Variants in ADK observed in about 807,000 individuals in gnomAD.
ADK encodes the protein N6,N6-dimethyladenosine kinase.
A neutral mutation model predicts 44.7 loss-of-function variants in ADK; 24 were observed. That is an observed-to-expected ratio of 0.54 (90% confidence interval 0.39 to 0.76). The LOEUF is 0.76. Among genes scored for constraint, ADK ranks in the 30% least tolerant of loss-of-function variants. The pLI is 0.00. For synonymous variants in ADK, 128 were observed against 142.6 expected, an observed-to-expected ratio of 0.90 and a Z score of 0.73; for missense variants, 321 against 425.1, an observed-to-expected ratio of 0.76 and a Z score of 2.15.
At chr10:74,202,026 A>G (rs952788134) in intron 2 of ADK, among the ~76,000 whole-genome samples, 7 of 152,112 alleles carry the variant, frequency 4.6e-5, no homozygotes, top group Non-Finnish European at 8.8e-5. Flanking sequence ...CATCACCACT[A>G]TCTAATTCAG....
chr10:74,507,444 C>A (rs1271565963), intron 6 of ADK, among the ~76,000 whole-genome samples: 1 of 151,992 alleles, frequency 6.6e-6, no homozygotes, highest in Non-Finnish European at 1.5e-5. Flanking sequence ...AAAACCCCAT[C>A]TCTACAAAAC....
chr10:74,424,240 C>T (rs563422633), intron 6 of ADK, among the ~76,000 whole-genome samples: 3 of 152,162 alleles, frequency 2.0e-5, no homozygotes, highest in Non-Finnish European at 4.4e-5. Context: ...AAACACTTGT[C>T]TAAAGAAATA....
intron 6 of ADK, among the ~76,000 whole-genome samples, chr10:74,438,329 A>G (rs916998262): frequency 1.3e-5 from 2 of 151,226 alleles, no homozygotes; most frequent in African/African-American, 4.9e-5. Flanking sequence ...AGTTCAAGCA[A>G]TTCTCCTGCC....
At chr10:74,241,721 G>A (rs1845216805) in intron 3 of ADK, among the ~76,000 whole-genome samples, 1 of 152,136 alleles carries the variant, frequency 6.6e-6, no homozygotes, top group African/African-American at 2.4e-5. Context: ...TTGATTGATT[G>A]AGACAAGGCC....
At chr10:74,483,518 A>C (rs11813953) in intron 6 of ADK, among the ~76,000 whole-genome samples, 5,582 of 152,274 alleles carry the variant, frequency 0.037, 313 homozygotes, top group African/African-American at 0.12. Context: ...GCCAACTTAA[A>C]TTCCTGCCCA....
Position 74,292,129 on chromosome 10 carries a change from A to G in ADK, c.195-22538A>G, listed in dbSNP as rs568902790. ...TACTTACCTACCTGCCTACCTACCT[A>G]CTTACCTCTGTTGTGAAACTTTTGG... On this transcript the variant is annotated intron_variant, in intron 3 of 10. Transcript: ENST00000539909. Among the ~76,000 whole-genome samples, 6 of 152,148 alleles carry G rather than the reference A, an allele frequency of 3.9e-5. No individual in the cohort carries two copies. The South Asian group carries it at 1.2e-3, about 32-fold the overall frequency.
At chr10:74,498,132 A>T (rs1289669282) in intron 6 of ADK, among the ~76,000 whole-genome samples, 1 of 151,958 alleles carries the variant, frequency 6.6e-6, no homozygotes. Flanking sequence ...CTCATGATCC[A>T]CTTGCCTCAG....
At chr10:74,300,254 CCTT>C (rs1483162714) in intron 3 of ADK, among the ~76,000 whole-genome samples, 28 of 131,764 alleles carry the variant, frequency 2.1e-4, no homozygotes, top group African/African-American at 6.6e-4. Context: ...CTCTCTCTCT[CCTT>C]GTTTCCTTCC....
At chr10:74,247,884 A>G (rs941145492) in intron 3 of ADK, among the ~76,000 whole-genome samples, 1 of 152,096 alleles carries the variant, frequency 6.6e-6, no homozygotes, top group Non-Finnish European at 1.5e-5. Context: ...CTGGGCATTT[A>G]TGGCAGCCCA....
At chr10:74,170,705 CA>C (rs1842138420) in intron 1 of ADK, among the ~76,000 whole-genome samples, 1 of 148,848 alleles carries the variant, frequency 6.7e-6, no homozygotes, top group Non-Finnish European at 1.5e-5. Context: ...GAGGCTGAGG[CA>C]GGAGAATGGC....
intron 4 of ADK, among the ~76,000 whole-genome samples, chr10:74,367,718 G>A (rs1842538808): frequency 6.6e-6 from 1 of 152,150 alleles, no homozygotes; most frequent in African/African-American, 2.4e-5. Context: ...CTGTCATACT[G>A]TAAACAAGTG....
chr10:74,669,528 C>T (rs1419254370), intron 9 of ADK, among the ~76,000 whole-genome samples: 2 of 152,198 alleles, frequency 1.3e-5, no homozygotes, highest in Admixed American at 6.5e-5. Context: ...TGCACTGTCC[C>T]TTTTGTTCTG....
At chr10:74,223,188 C>T (rs1844392131) in intron 2 of ADK, among the ~76,000 whole-genome samples, 1 of 152,098 alleles carries the variant, frequency 6.6e-6, no homozygotes, top group Non-Finnish European at 1.5e-5. Context: ...AGTGACTCTA[C>T]AGATTCCTGA....
intron 8 of ADK, among the ~76,000 whole-genome samples, chr10:74,594,974 G>A (rs535533443): frequency 5.3e-5 from 8 of 152,072 alleles, no homozygotes; most frequent in African/African-American, 1.4e-4. Flanking sequence ...TCAGGAGTTC[G>A]AGACCAGCCT....
At chr10:74,224,084 TAAAC>T (rs1844430543) in intron 2 of ADK, among the ~76,000 whole-genome samples, 3 of 151,814 alleles carry the variant, frequency 2.0e-5, no homozygotes, top group Non-Finnish European at 4.4e-5. Context: ...TCTCAACAAA[TAAAC>T]AAACAAACAA....
intron 7 of ADK, among the ~76,000 whole-genome samples, chr10:74,533,269 G>GT (rs1219626510): frequency 6.6e-6 from 1 of 151,968 alleles, no homozygotes; most frequent in Admixed American, 6.6e-5. Context: ...AATTTCAGAA[G>GT]TTTTTTTTAA....
chr10:74,546,649 G>C (rs1352441891), intron 7 of ADK, among the ~76,000 whole-genome samples: 1 of 151,990 alleles, frequency 6.6e-6, no homozygotes. Flanking sequence ...TTATATAGTA[G>C]GGCAGATGGA....
intron 6 of ADK, among the ~76,000 whole-genome samples, chr10:74,404,578 G>GA (rs1341686331): frequency 2.6e-5 from 4 of 152,178 alleles, no homozygotes; most frequent in Non-Finnish European, 5.9e-5. Flanking sequence ...TTCAGTACAT[G>GA]AAAAATGTTA....
At chr10:74,183,968 G>A (rs1273826987) in intron 1 of ADK, among the ~76,000 whole-genome samples, 2 of 152,026 alleles carry the variant, frequency 1.3e-5, no homozygotes, top group South Asian at 2.1e-4. Flanking sequence ...CCAGGCTGGA[G>A]TGCAGTGGCA....
Sources: allele counts gnomAD v4.1 joint callset (sites outside exome capture counted in the v4.1 genomes callset), GRCh38; gene constraint gnomAD v4.1.1; transcripts MANE v1.5; gene names NCBI Gene and HGNC (gene_info 2026-07-23, HGNC 2026-07-21).